Variants in NUP93 observed in about 807,000 individuals in gnomAD.
NUP93 encodes the protein nuclear pore complex protein Nup93.
In NUP93, 55 loss-of-function variants were observed where a neutral mutation model predicts 107.8. The ratio of observed to expected loss-of-function variants is 0.51; its 90% confidence interval spans 0.41 to 0.64. NUP93 has a LOEUF of 0.64. Among genes scored for constraint, NUP93 ranks in the 30% least tolerant of loss-of-function variants. The probability of loss-of-function intolerance (pLI) is 0.00; values close to 1 mark genes in which losing one functional copy is unlikely to be tolerated. For synonymous variants in NUP93, 390 were observed against 397.5 expected (o/e 0.98, Z 0.22); for missense variants, 937 against 1,044.7 (o/e 0.90, Z 1.42).
At chr16:56,815,058 G>A (rs778863346) in intron 5 of NUP93, among the ~76,000 whole-genome samples, 59 of 152,174 alleles carry the variant, frequency 3.9e-4, no homozygotes, top group Admixed American at 2.0e-3. Flanking sequence ...AAGAGCATTA[G>A]GCAAAATTAA....
At chr16:56,796,958 G>A (rs1367246385) in intron 3 of NUP93, among the ~76,000 whole-genome samples, 3 of 149,264 alleles carry the variant, frequency 2.0e-5, no homozygotes, top group Non-Finnish European at 4.5e-5. Flanking sequence ...GCAACAGAGC[G>A]AGACTCCATC....
At chr16:56,781,571 A>G (rs553850537) in intron 3 of NUP93, 4 of 152,604 alleles carry the variant, frequency 2.6e-5, no homozygotes, top group East Asian at 1.9e-4. Context: ...AACTGGTGTT[A>G]CAATCTGTGG....
At chr16:56,809,689 G>C (rs1353791281) in intron 5 of NUP93, among the ~76,000 whole-genome samples, 1 of 152,116 alleles carries the variant, frequency 6.6e-6, no homozygotes, top group African/African-American at 2.4e-5. Flanking sequence ...TTGGCAAAGG[G>C]TAACTGCACA....
chr16:56,780,450 G>A (rs1457979246), intron 3 of NUP93, among the ~76,000 whole-genome samples: 3 of 152,180 alleles, frequency 2.0e-5, no homozygotes, highest in African/African-American at 7.2e-5. Context: ...TCAGACACCA[G>A]TGTGTTCCTA....
chr16:56,778,908 A>G lies in NUP93; in HGVS notation c.298-19568A>G, dbSNP rs549470004. Among the ~76,000 whole-genome samples, 4 of 152,304 alleles carry G rather than the reference A, an allele frequency of 2.6e-5. No individual in the cohort carries two copies. The East Asian group carries it at 7.7e-4, about 29-fold the overall frequency. ...GTAGAAATGAATGTGTAATAGGAGAAATGTTTAGCAGGAGGCAAAGGGCCA... is the reference window on the plus strand; with the variant it reads ...GTAGAAATGAATGTGTAATAGGAGAGATGTTTAGCAGGAGGCAAAGGGCCA... On this transcript the variant is annotated intron_variant, in intron 3 of 21. Coordinates refer to ENST00000308159, the MANE Select transcript of NUP93 (RefSeq NM_014669.5).
At chr16:56,820,398 C>G (rs1031089400) in intron 6 of NUP93, among the ~76,000 whole-genome samples, 1 of 152,240 alleles carries the variant, frequency 6.6e-6, no homozygotes, top group South Asian at 2.1e-4. Context: ...AAGCCTCCAC[C>G]TCTGCCTCCC....
At chr16:56,806,425 G>A (rs566000418) in intron 5 of NUP93, among the ~76,000 whole-genome samples, 3 of 151,966 alleles carry the variant, frequency 2.0e-5, no homozygotes, top group Non-Finnish European at 4.4e-5. Context: ...TGTTATTGCC[G>A]TGTAACAGAT....
rs565345173 is a variant in NUP93, at chr16:56,754,993, G to A, written c.180-3545G>A. ...AATCAAAAAGATAGTAACAAGTGTT[G>A]GCGAGGATGTGGGAAAAATTGGAAT... is the stretch of plus-strand genomic sequence containing the variant. On this transcript the variant is annotated intron_variant, in intron 2 of 21. Transcript: ENST00000308159. Among the ~76,000 whole-genome samples the A allele has an allele frequency of 7.9e-5, 12 of 152,332 alleles. No individual in the cohort carries two copies. The South Asian group carries it at 2.5e-3, about 32-fold the overall frequency.
At chr16:56,737,407 C>T (rs1961631287) in intron 1 of NUP93, among the ~76,000 whole-genome samples, 1 of 152,172 alleles carries the variant, frequency 6.6e-6, no homozygotes, top group South Asian at 2.1e-4. Context: ...TTCCCAAAGA[C>T]CCCATCTCCA....
intron 1 of NUP93, among the ~76,000 whole-genome samples, chr16:56,737,373 G>A (rs749827458): frequency 1.3e-5 from 2 of 152,096 alleles, no homozygotes; most frequent in African/African-American, 4.8e-5. Context: ...CCCCACCCAC[G>A]TCACCTCATC....
intron 3 of NUP93, among the ~76,000 whole-genome samples, chr16:56,765,170 G>GAACCCT (rs1962194835): frequency 6.6e-6 from 1 of 152,050 alleles, no homozygotes; most frequent in African/African-American, 2.4e-5. Flanking sequence ...GATGGACTGT[G>GAACCCT]GACCCTGAAG....
At chr16:56,809,511 G>C (rs1015565152) in intron 5 of NUP93, among the ~76,000 whole-genome samples, 8 of 152,112 alleles carry the variant, frequency 5.3e-5, no homozygotes, top group African/African-American at 1.9e-4. Context: ...AGTGCTTCCT[G>C]ATAAGTCTTT....
chr16:56,786,088 G>A (rs1962621227), intron 3 of NUP93, among the ~76,000 whole-genome samples: 2 of 152,098 alleles, frequency 1.3e-5, no homozygotes, highest in Non-Finnish European at 2.9e-5. Context: ...GTGGGTTTTA[G>A]TTATTTTATA....
intron 5 of NUP93, among the ~76,000 whole-genome samples, chr16:56,815,881 CTGCTGCTGCTGCTGCTGG>C (rs1241178680): frequency 0.054 from 5,592 of 103,828 alleles, 138 homozygotes; most frequent in Non-Finnish European, 0.082. Context: ...GCTGCTGCTG[CTGCTGCTGCTGCTGCTGG>C]TGCTGCTGCT....
intron 18 of NUP93, among the ~76,000 whole-genome samples, chr16:56,838,563 A>T (rs181540673): frequency 1.3e-5 from 2 of 151,814 alleles, no homozygotes; most frequent in Non-Finnish European, 2.9e-5. Flanking sequence ...CTTTTTATAC[A>T]TTTTTTTTGT....
chr16:56,751,106 A>T (rs1393652425), intron 2 of NUP93, among the ~76,000 whole-genome samples: 1 of 151,802 alleles, frequency 6.6e-6, no homozygotes, highest in African/African-American at 2.4e-5. Context: ...TCAATTGCAT[A>T]TCCCTCTTTT....
chr16:56,831,689 CGAGGGGAGG>C, intron 10 of NUP93, 144 bp from the exon 11 acceptor site: 1 of 703,644 alleles, frequency 1.4e-6, no homozygotes. Flanking sequence ...GCGATGGTAC[CGAGGGGAGG>C]GGATGGGGCA....
At chr16:56,778,387 G>A (rs192336348) in intron 3 of NUP93, among the ~76,000 whole-genome samples, 1 of 152,254 alleles carries the variant, frequency 6.6e-6, no homozygotes, top group Non-Finnish European at 1.5e-5. Context: ...AGTGTAGGCG[G>A]CAGGTGTTGA....
chr16:56,839,583 C>T lies in NUP93; in HGVS notation c.2199C>T (p.Ala733=), dbSNP rs1138295. 275,697 of 1,612,766 alleles carry T rather than the reference C, an allele frequency of 0.17. 24,639 individuals carry two copies. Among genetic ancestry groups the T allele is most frequent in the East Asian group, 0.3 (13,447 of 44,822 alleles). ...AAAGTGTGGAAGAGAGAGTGGCTGC[C>T]TTCAGAAATTTCAGTGATGAAGTAA... ...NQESVEERVA[A]FRNFSDEIRH... is the part of the protein sequence containing the mutation. Residue 733 remains alanine (A), a synonymous_variant, in exon 20 of 22, where the codon GCC becomes GCT. Transcript: ENST00000308159.
Sources: gnomAD v4.1 joint callset for allele counts (sites outside exome capture counted in the v4.1 genomes callset) on GRCh38, gnomAD v4.1.1 for gene constraint, MANE v1.5 for transcripts, NCBI Gene and HGNC (gene_info 2026-07-23, HGNC 2026-07-21) for gene names.